The following LARGE1 variants were observed in gnomAD, a reference collection of about 807,000 sequenced individuals.
LARGE1 encodes the protein xylosyl- and glucuronyltransferase LARGE1.
LARGE1 carries 43 observed loss-of-function variants against 87.6 expected under a neutral mutation model. The ratio of observed to expected loss-of-function variants is 0.49; its 90% CI spans 0.38 to 0.63. LARGE1 has a LOEUF of 0.63. LARGE1 is among the 30% of genes least tolerant of loss of function. The pLI, the probability that LARGE1 is intolerant of heterozygous loss-of-function variation, is 0.00. For missense variants in LARGE1, 802 were observed against 1,000.2 expected (o/e 0.80, Z 2.67); for synonymous variants, 434 against 394.6 (o/e 1.10, Z -1.18).
chr22:33,094,432 G>A, the LARGE1 span, among the ~76,000 whole-genome samples: 28 of 151,928 alleles, frequency 1.8e-4, no homozygotes, highest in African/African-American at 6.0e-4. Flanking sequence ...ATCCACTCTC[G>A]TCTCAGCTAA....
At chr22:33,464,742 T>A (rs902892076) in intron 6 of LARGE1, among the ~76,000 whole-genome samples, 1 of 152,142 alleles carries the variant, frequency 6.6e-6, no homozygotes, top group African/African-American at 2.4e-5. Flanking sequence ...ATAAGAACTC[T>A]TCATCACTAG....
At chr22:33,715,758 C>G (rs973870394) in intron 2 of LARGE1, among the ~76,000 whole-genome samples, 1 of 152,162 alleles carries the variant, frequency 6.6e-6, no homozygotes, top group South Asian at 2.1e-4. Context: ...AGCAGATGAG[C>G]CCCCAGTTGC....
intron 11 of LARGE1, among the ~76,000 whole-genome samples, chr22:33,188,391 C>T (rs992973887): frequency 1.3e-5 from 2 of 152,090 alleles, no homozygotes; most frequent in African/African-American, 2.4e-5. Context: ...AGGTACAACA[C>T]AGGTCCATCA....
intron 11 of LARGE1, among the ~76,000 whole-genome samples, chr22:33,241,154 T>G (rs1926491912): frequency 1.3e-5 from 2 of 152,204 alleles, no homozygotes; most frequent in Non-Finnish European, 2.9e-5. Context: ...TCACTTAAAC[T>G]CACTATTTTG....
chr22:33,592,056 G>A (rs1191341678), intron 5 of LARGE1, among the ~76,000 whole-genome samples: 1 of 126,712 alleles, frequency 7.9e-6, no homozygotes, highest in African/African-American at 3.0e-5. Flanking sequence ...AAAGAAAGAG[G>A]AGAGGAGAAG....
chr22:33,819,555 C>T lies in LARGE1; in HGVS notation c.-82-57997G>A, dbSNP rs147792609. ...CCTCCCCACCGAGCCTCCTTAGCAC[C>T]AGCTCCAGCCCTTGACATCATCTAA... On this transcript the variant is annotated intron_variant, in intron 1 of 14. Coordinates refer to ENST00000397394, the MANE Select transcript of LARGE1 (RefSeq NM_133642.5). Among the ~76,000 whole-genome samples, 508 of 152,170 alleles carry T rather than the reference C, an allele frequency of 3.3e-3. 1 individual carries two copies. The highest frequency in any genetic ancestry group is 4.6e-3 in the Non-Finnish European group (314 of 67,994).
chr22:33,480,040 C>T (rs1461333856), intron 6 of LARGE1, among the ~76,000 whole-genome samples: 6 of 152,090 alleles, frequency 3.9e-5, no homozygotes, highest in Admixed American at 6.6e-5. Context: ...CCACTGTGCC[C>T]GGCAAGAATG....
intron 4 of LARGE1, among the ~76,000 whole-genome samples, chr22:33,610,004 T>G (rs991596045): frequency 6.6e-6 from 1 of 152,096 alleles, no homozygotes; most frequent in South Asian, 2.1e-4. Flanking sequence ...AAACACTCCT[T>G]GAGGTGTCCC....
At chr22:33,597,475 G>A (rs150922359) in intron 5 of LARGE1, among the ~76,000 whole-genome samples, 214 of 152,184 alleles carry the variant, frequency 1.4e-3, no homozygotes, top group African/African-American at 4.8e-3. Flanking sequence ...CCTCCTAAAG[G>A]ACGGCAGGGG....
intron 11 of LARGE1, among the ~76,000 whole-genome samples, chr22:33,189,626 T>C (rs1052663648): frequency 6.6e-6 from 1 of 152,110 alleles, no homozygotes; most frequent in Non-Finnish European, 1.5e-5. Flanking sequence ...GTGGTTCCAA[T>C]AATGAAGACT....
intron 1 of LARGE1, among the ~76,000 whole-genome samples, chr22:33,897,248 A>C (rs180878076): frequency 6.6e-6 from 1 of 152,306 alleles, no homozygotes; most frequent in Admixed American, 6.5e-5. Flanking sequence ...AGAAGGCACT[A>C]CAGCCTTTAA....
At chr22:33,314,925 T>C (rs948465326) in intron 11 of LARGE1, among the ~76,000 whole-genome samples, 6 of 152,080 alleles carry the variant, frequency 3.9e-5, no homozygotes, top group African/African-American at 1.4e-4. Flanking sequence ...AATATATAAA[T>C]TGGGATAGGT....
chr22:33,109,512 G>A, the LARGE1 span, among the ~76,000 whole-genome samples: 27,204 of 151,942 alleles, frequency 0.18, 2,524 homozygotes, highest in Admixed American at 0.24. Flanking sequence ...TTAAGTCATC[G>A]CCTGCCAAAA....
intron 6 of LARGE1, among the ~76,000 whole-genome samples, chr22:33,561,183 C>A (rs1234275943): frequency 6.6e-6 from 1 of 152,206 alleles, no homozygotes; most frequent in African/African-American, 2.4e-5. Flanking sequence ...TGGTAGTTAG[C>A]TTTCCCTCTG....
intron 1 of LARGE1, among the ~76,000 whole-genome samples, chr22:33,806,441 G>A (rs1000724293): frequency 6.6e-6 from 1 of 152,170 alleles, no homozygotes; most frequent in South Asian, 2.1e-4. Flanking sequence ...GTGTTTACAG[G>A]ATCTTCTGCA....
intron 6 of LARGE1, among the ~76,000 whole-genome samples, chr22:33,563,889 G>T (rs987978221): frequency 2.0e-5 from 3 of 152,156 alleles, no homozygotes; most frequent in Admixed American, 2.0e-4. Context: ...GCCCTGAGAA[G>T]GAAGCAGGGA....
intron 1 of LARGE1, among the ~76,000 whole-genome samples, chr22:33,844,057 T>A (rs1298351487): frequency 3.0e-5 from 4 of 133,466 alleles, no homozygotes; most frequent in Non-Finnish European, 6.3e-5. Flanking sequence ...CCAGCCTGGG[T>A]GACAAAAGTG....
chr22:33,349,869 C>A (rs552112896), intron 9 of LARGE1, among the ~76,000 whole-genome samples: 2 of 152,200 alleles, frequency 1.3e-5, no homozygotes, highest in East Asian at 1.9e-4. Context: ...AGAAAAATTT[C>A]TTCCCAGACA....
intron 7 of LARGE1, among the ~76,000 whole-genome samples, chr22:33,411,605 G>C (rs771125436): frequency 6.6e-6 from 1 of 152,030 alleles, no homozygotes; most frequent in Non-Finnish European, 1.5e-5. Flanking sequence ...ATTTAATATA[G>C]CAGTACCAGA....
Sources: allele counts gnomAD v4.1 joint callset (sites outside exome capture counted in the v4.1 genomes callset), GRCh38; gene constraint gnomAD v4.1.1; transcripts MANE v1.5; gene names NCBI Gene and HGNC (gene_info 2026-07-23, HGNC 2026-07-21).